RNF220: variants seen among roughly 807,000 people sequenced by gnomAD.
RNF220 encodes the protein ring finger protein 220.
Under a neutral mutation model 67.1 loss-of-function variants are expected in RNF220, and 7 were observed. That is an observed-to-expected ratio of 0.10 (90% CI 0.06 to 0.20). The LOEUF is 0.20. Among genes scored for constraint, RNF220 ranks in the 10% least tolerant of loss-of-function variants. RNF220 has a pLI of 1.00. For missense variants in RNF220, 565 were observed against 740.3 expected (o/e 0.76, Z 2.75); for synonymous variants, 270 against 283.2 (o/e 0.95, Z 0.47).
chr1:44,517,833 A>G (rs1659576056), intron 2 of RNF220, among the ~76,000 whole-genome samples: 1 of 152,262 alleles, frequency 6.6e-6, no homozygotes. Context: ...AGGGCCAGGT[A>G]CGGTGGTCCA....
intron 2 of RNF220, among the ~76,000 whole-genome samples, chr1:44,446,424 TAG>T (rs971605815): frequency 2.6e-5 from 4 of 152,168 alleles, no homozygotes; most frequent in African/African-American, 4.8e-5. Context: ...AAAATTCTGC[TAG>T]AGAGAGTATG....
intron 2 of RNF220, among the ~76,000 whole-genome samples, chr1:44,432,110 C>A (rs534964387): frequency 3.7e-4 from 57 of 152,292 alleles, no homozygotes; most frequent in African/African-American, 1.4e-3. Context: ...CTTCTTCAAC[C>A]ATGTTTTTGC....
At chr1:44,631,523 G>A (rs1644120182) in intron 5 of RNF220, among the ~76,000 whole-genome samples, 1 of 152,258 alleles carries the variant, frequency 6.6e-6, no homozygotes, top group African/African-American at 2.4e-5. Flanking sequence ...GGTATGCAGT[G>A]CCTATGGGAG....
At chr1:44,513,327 G>C (rs1659182072) in intron 2 of RNF220, among the ~76,000 whole-genome samples, 1 of 152,176 alleles carries the variant, frequency 6.6e-6, no homozygotes, top group African/African-American at 2.4e-5. Flanking sequence ...TGGCCCATGG[G>C]GGCCAGCCAG....
intron 2 of RNF220, among the ~76,000 whole-genome samples, chr1:44,511,079 C>A (rs942769514): frequency 1.7e-4 from 26 of 152,194 alleles, no homozygotes; most frequent in African/African-American, 6.3e-4. Context: ...CAGCCCACTT[C>A]AGCTTTCTCC....
intron 2 of RNF220, among the ~76,000 whole-genome samples, chr1:44,519,549 A>G (rs1659737760): frequency 6.6e-6 from 1 of 152,200 alleles, no homozygotes; most frequent in Admixed American, 6.5e-5. Flanking sequence ...AAGCAGAGGA[A>G]GTAGCATGTG....
intron 2 of RNF220, among the ~76,000 whole-genome samples, chr1:44,445,981 T>C (rs779298546): frequency 1.3e-5 from 2 of 152,224 alleles, no homozygotes; most frequent in Non-Finnish European, 2.9e-5. Context: ...TGGGTATGAT[T>C]GGGTGCCAAT....
intron 2 of RNF220, among the ~76,000 whole-genome samples, chr1:44,435,409 GATTT>G (rs1650861709): frequency 6.6e-6 from 1 of 152,172 alleles, no homozygotes; most frequent in African/African-American, 2.4e-5. Context: ...CATGGTGCCT[GATTT>G]ATGGTAAGCC....
At chr1:44,472,256 G>A (rs1341659366) in intron 2 of RNF220, among the ~76,000 whole-genome samples, 4 of 152,166 alleles carry the variant, frequency 2.6e-5, no homozygotes, top group Admixed American at 6.5e-5. Flanking sequence ...GCTGGGTCAC[G>A]TGATAACTGT....
At chr1:44,508,561 A>C in intron 2 of RNF220, among the ~76,000 whole-genome samples, 1 of 152,182 alleles carries the variant, frequency 6.6e-6, no homozygotes, top group South Asian at 2.1e-4. Context: ...TTTGCTCTAA[A>C]GGCCTTTCTG....
rs1644731568 is a variant in RNF220, at chr1:44,649,405, T to C, written c.1446-256T>C. On this transcript the variant is annotated intron_variant, in intron 12 of 14. Coordinates refer to ENST00000361799, the MANE Select transcript of RNF220 (RefSeq NM_018150.4). This position sits in a 1 kb window ranked among gnomAD's most constrained non-coding sequence, Gnocchi z 5.9. ...GACAGATTTGGGTGGTTGGGAAGAC[T>C]GCGAAGGAGTGGTTGAAAATGGTTC... 5.6e-6 allele frequency: 3 copies of C among 536,190 alleles called. No homozygotes were observed. In the South Asian group the frequency reaches 6.3e-5, roughly 11 times the overall value. The allele number at this position is 536,190 out of a possible 1,614,324, so 33.2% of individuals were successfully genotyped here. A position where few individuals can be genotyped will look rare whatever the true frequency, so the allele number is the denominator to read the frequency against.
At chr1:44,575,687 A>C (rs1000768559) in intron 2 of RNF220, among the ~76,000 whole-genome samples, 2 of 152,246 alleles carry the variant, frequency 1.3e-5, no homozygotes, top group African/African-American at 4.8e-5. Flanking sequence ...GGGAACTCTT[A>C]TACACAGTTG....
chr1:44,614,265 G>A lies in RNF220; in HGVS notation c.726G>A (p.Gln242=). 6.2e-7 allele frequency: 1 copy of A among 1,614,154 alleles called. No individual in the cohort carries two copies. Among genetic ancestry groups the A allele is most frequent in the Non-Finnish European group, 8.5e-7 (1 of 1,179,990 alleles). Residue 242 remains glutamine, a synonymous_variant, in exon 3 of 15, where the codon CAG becomes CAA. Transcript: ENST00000361799. ...GTGAGCTGCAGGAGCATATGGAGCA[G>A]GAACTGGAGCAGCTAGCCCAACTGC... ...RPSELQEHME[Q]ELEQLAQLPS...
chr1:44,626,241 G>A lies in RNF220; in HGVS notation c.805-56G>A, dbSNP rs1004399401. On this transcript the variant is annotated intron_variant, in intron 4 of 14. Coordinates refer to ENST00000361799, the MANE Select transcript of RNF220 (RefSeq NM_018150.4). ...AGCACCACAGGACTGGGAACTCTAG[G>A]GACTGACTGTAGGTCTCATTTGGCC... 5 of 1,355,302 alleles carry A rather than the reference G, an allele frequency of 3.7e-6. No homozygotes were observed. In the African/African-American group the frequency reaches 5.7e-5, roughly 16 times the overall value. The allele number at this position is 1,355,302 out of a possible 1,614,324, so 84.0% of individuals were successfully genotyped here. A position where few individuals can be genotyped will look rare whatever the true frequency, so the allele number is the denominator to read the frequency against.
chr1:44,472,415 T>A (rs1186665209), intron 2 of RNF220, among the ~76,000 whole-genome samples: 3 of 152,194 alleles, frequency 2.0e-5, no homozygotes, highest in African/African-American at 7.2e-5. Context: ...TTGTTTGGGA[T>A]TTTAAAAAAT....
chr1:44,455,419 G>A (rs375377227), intron 2 of RNF220, among the ~76,000 whole-genome samples: 12 of 152,186 alleles, frequency 7.9e-5, no homozygotes, highest in African/African-American at 1.4e-4. Context: ...GGAAGGCAGC[G>A]GTGAGTGCAT....
intron 2 of RNF220, among the ~76,000 whole-genome samples, chr1:44,590,540 G>A (rs781201127): frequency 3.9e-5 from 6 of 152,172 alleles, no homozygotes; most frequent in Non-Finnish European, 5.9e-5. Flanking sequence ...GTCTTGCATT[G>A]AACTAAACTT....
chr1:44,492,189 G>A (rs1311056396), intron 2 of RNF220, among the ~76,000 whole-genome samples: 1 of 152,130 alleles, frequency 6.6e-6, no homozygotes, highest in Non-Finnish European at 1.5e-5. Context: ...AGTCATCAGG[G>A]AAATGCAAAT....
At chr1:44,482,348 G>T (rs891212659) in intron 2 of RNF220, among the ~76,000 whole-genome samples, 18 of 152,320 alleles carry the variant, frequency 1.2e-4, no homozygotes, top group African/African-American at 4.3e-4. Context: ...GGGAGCAGGA[G>T]GGGTGGAGGG....
Sources: gnomAD v4.1 joint callset for allele counts (sites outside exome capture counted in the v4.1 genomes callset) on GRCh38, gnomAD v4.1.1 for gene constraint, Gnocchi (gnomAD v3.1) non-coding constraint, MANE v1.5 for transcripts, NCBI Gene and HGNC (gene_info 2026-07-23, HGNC 2026-07-21) for gene names.